Variants in FANCA observed in about 807,000 individuals in gnomAD.
FANCA encodes the protein Fanconi anemia group A protein.
A neutral mutation model predicts 194.3 loss-of-function variants in FANCA; 236 were observed. That is an observed-to-expected ratio of 1.21 (90% CI 1.09 to 1.35). The LOEUF (loss-of-function observed/expected upper bound fraction) is 1.35, where lower values mean the gene tolerates loss of function less well. FANCA is among the 40% of genes most tolerant of loss of function. The probability of loss-of-function intolerance (pLI) is 0.00; values close to 1 mark genes in which losing one functional copy is unlikely to be tolerated. For missense variants in FANCA, 2,628 were observed against 1,813.9 expected, an observed-to-expected ratio of 1.45 and a Z score of -8.15; for synonymous variants, 1,014 against 715.8, an observed-to-expected ratio of 1.42 and a Z score of -6.65.
At chr16:89,784,826 A>G in intron 15 of FANCA, 28 bp downstream of exon 15, 1 of 1,556,742 alleles carries the variant, frequency 6.4e-7, no homozygotes, top group South Asian at 1.1e-5. Flanking sequence ...AGCACCAGAA[A>G]TCATGGATGT....
intron 29 of FANCA, among the ~76,000 whole-genome samples, chr16:89,760,209 C>T (rs1395692259): frequency 6.6e-6 from 1 of 152,256 alleles, no homozygotes; most frequent in East Asian, 1.9e-4. Context: ...AGACTCCACC[C>T]CAGAGAGCAG....
chr16:89,783,230 T>C (rs1295909423), intron 15 of FANCA, 128 bp from the exon 16 acceptor site: 5 of 744,438 alleles, frequency 6.7e-6, no homozygotes, highest in Admixed American at 2.0e-5. Context: ...GTCAGACTTA[T>C]GAGTATGCAA....
chr16:89,775,156 C>T (rs1327071959), intron 21 of FANCA, among the ~76,000 whole-genome samples: 2 of 151,980 alleles, frequency 1.3e-5, no homozygotes, highest in African/African-American at 4.8e-5. Context: ...GCGGCTCCCA[C>T]AGGGAGATGC....
chr16:89,779,121 A>G, intron 18 of FANCA, 118 bp from the exon 19 acceptor site: 1 of 911,486 alleles, frequency 1.1e-6, no homozygotes, highest in South Asian at 1.4e-5. Flanking sequence ...GCCACGATGC[A>G]TTATGAAGTC....
rs764534451 is a variant in FANCA at position 89,775,827 on chromosome 16, G to T, written c.1827-12C>A. The T allele has an allele frequency of 6.3e-7, 1 of 1,596,366 alleles. No individual in the cohort carries two copies. Among genetic ancestry groups the T allele is most frequent in the Non-Finnish European group, 8.6e-7 (1 of 1,165,968 alleles). On this transcript the variant is annotated splice_polypyrimidine_tract_variant and intron_variant, in intron 20 of 42. Coordinates refer to ENST00000389301, the MANE Select transcript of FANCA (RefSeq NM_000135.4). ...GGATTTTATCTGCTCTGGATCACAGGAAAACAATACAATTAAGTCAGCTAT... is the reference window on the plus strand; with the variant it reads ...GGATTTTATCTGCTCTGGATCACAGTAAAACAATACAATTAAGTCAGCTAT...
At chr16:89,791,674 A>G in intron 13 of FANCA, 138 bp from the exon 14 acceptor site, 1 of 1,256,360 alleles carries the variant, frequency 8.0e-7, no homozygotes, top group South Asian at 1.3e-5. Context: ...ACTACACAGC[A>G]ATTACAGCAT....
intron 9 of FANCA, 66 bp downstream of exon 9, chr16:89,799,539 A>G: frequency 7.0e-7 from 1 of 1,433,266 alleles, no homozygotes. Context: ...AAGGCAGAAA[A>G]CTGATACAAT....
Position 89,756,084 on chromosome 16 carries a change from A to T in FANCA, c.2981+2493T>A, listed in dbSNP as rs1475512559. Among the ~76,000 whole-genome samples, 3 of 152,062 alleles carry T rather than the reference A, an allele frequency of 2.0e-5. No individual in the cohort carries two copies. The South Asian group carries it at 6.2e-4, about 32-fold the overall frequency. ...AAAAGGTACGGTAAAAACACAGTTT[A>T]AAAAAAAGGTACAAAAAATTATGGC... On this transcript the variant is annotated intron_variant, in intron 30 of 42. Coordinates refer to ENST00000389301, the MANE Select transcript of FANCA (RefSeq NM_000135.4).
In FANCA at chr16:89,815,335, C is replaced by CTTTT. The variant is rs562815235; in HGVS notation, c.189+538_189+541dup. Among the ~76,000 whole-genome samples the CTTTT allele has an allele frequency of 7.4e-4, 49 of 66,540 alleles. 1 individual carries two copies. The highest frequency in any genetic ancestry group is 1.1e-3 in the Non-Finnish European group (37 of 34,990). 43.7% of individuals were successfully genotyped at this position (66,540 alleles called of 152,430 possible). Reference sequence around the variant, plus strand: ...TACAGGCGTGAGCCACCACGCCCGGCTTTTTTTTTTTTTTTTTTTTTTTTT... The same window carrying CTTTT: ...TACAGGCGTGAGCCACCACGCCCGGCTTTTTTTTTTTTTTTTTTTTTTTTTTTTT... On this transcript the variant is annotated intron_variant, in intron 2 of 42. Coordinates refer to ENST00000389301, the MANE Select transcript of FANCA (RefSeq NM_000135.4).
chr16:89,799,083 G>A, intron 10 of FANCA, 83 bp downstream of exon 10: 1 of 1,614,212 alleles, frequency 6.2e-7, no homozygotes. Flanking sequence ...TGAAGCTCTG[G>A]AAGTGTTTAA....
rs772858178 is a variant in FANCA, at chr16:89,795,892, C to G, written c.1006+14G>C. ...AAATGGGTAGCAACTGAGCAGCCTC[C>G]ACACTGGGCCTACCTTTCAGCACAG... On this transcript the variant is annotated intron_variant, in intron 11 of 42. Transcript: ENST00000389301. 2 of 1,598,290 alleles carry G rather than the reference C, an allele frequency of 1.3e-6. No homozygotes were observed. Among genetic ancestry groups the G allele is most frequent in the Non-Finnish European group, 1.7e-6 (2 of 1,165,580 alleles).
chr16:89,788,777 G>A (rs534129864), intron 14 of FANCA, among the ~76,000 whole-genome samples: 1 of 152,194 alleles, frequency 6.6e-6, no homozygotes, highest in South Asian at 2.1e-4. Flanking sequence ...TCCAGCCTGG[G>A]CAACACTCAG....
rs62054602 is a variant in FANCA, at chr16:89,745,411, C to G, written c.3514-340G>C. Among the ~76,000 whole-genome samples the G allele has an allele frequency of 0.072, 9,695 of 133,970 alleles. 566 individuals carry two copies. The highest frequency in any genetic ancestry group is 0.14 in the African/African-American group (4,858 of 34,468). The allele number at this position is 133,970 out of a possible 152,430, so 87.9% of individuals were successfully genotyped here. Reference sequence around the variant, plus strand: ...AATGAAACAGTGAAGGGACCACACTCCTCTGAGCTGGGAACAAAACAGTGA... The same window carrying G: ...AATGAAACAGTGAAGGGACCACACTGCTCTGAGCTGGGAACAAAACAGTGA... On this transcript the variant is annotated intron_variant, in intron 35 of 42. Coordinates refer to ENST00000389301, the MANE Select transcript of FANCA (RefSeq NM_000135.4).
At chr16:89,750,352 G>A (rs1312213111) in intron 31 of FANCA, among the ~76,000 whole-genome samples, 3 of 152,084 alleles carry the variant, frequency 2.0e-5, no homozygotes, top group Non-Finnish European at 2.9e-5. Flanking sequence ...GCATGGTGGC[G>A]GGTGCCTGTA....
At chr16:89,787,494 T>G (rs2039937315) in intron 14 of FANCA, among the ~76,000 whole-genome samples, 1 of 151,994 alleles carries the variant, frequency 6.6e-6, no homozygotes, top group Admixed American at 6.6e-5. Context: ...CACTCCAGCC[T>G]GGGCAACAAG....
chr16:89,747,167 C>T (rs908510289), intron 33 of FANCA, among the ~76,000 whole-genome samples: 24 of 152,240 alleles, frequency 1.6e-4, no homozygotes, highest in East Asian at 5.8e-4. Context: ...CACAAGCAGC[C>T]GCAGGGAAGG....
chr16:89,786,015 ATTTTTT>A (rs67279101), intron 14 of FANCA, among the ~76,000 whole-genome samples: 13 of 104,128 alleles, frequency 1.2e-4, no homozygotes, highest in Non-Finnish European at 2.2e-4. Context: ...ACTCCCAGCT[ATTTTTT>A]TTTTTTTTTT....
intron 17 of FANCA, among the ~76,000 whole-genome samples, chr16:89,782,250 G>A (rs1191451807): frequency 2.7e-5 from 4 of 147,998 alleles, no homozygotes; most frequent in Non-Finnish European, 4.5e-5. Context: ...GGTGGCGGGC[G>A]CCTGTAATCC....
chr16:89,763,930 A>AC (rs2039039175), intron 28 of FANCA, among the ~76,000 whole-genome samples: 1 of 146,536 alleles, frequency 6.8e-6, no homozygotes, highest in African/African-American at 2.5e-5. Flanking sequence ...GAAAAAAAAA[A>AC]CAAAACAACA....
Sources: allele counts gnomAD v4.1 joint callset (sites outside exome capture counted in the v4.1 genomes callset), GRCh38; gene constraint gnomAD v4.1.1; transcripts MANE v1.5; gene names NCBI Gene and HGNC (gene_info 2026-07-23, HGNC 2026-07-21).